FTCDNL1: variants seen among roughly 807,000 people sequenced by gnomAD.
The protein encoded by FTCDNL1 is formiminotransferase N-terminal subdomain-containing protein.
FTCDNL1 carries 11 observed loss-of-function variants against 5.9 expected under a neutral mutation model. The observed-to-expected ratio is 1.87, with a 90% CI of 1.18 to 3.10. FTCDNL1 has a LOEUF of 3.10. FTCDNL1 is among the 30% of genes most tolerant of loss of function. The pLI is 0.00. For missense variants in FTCDNL1, 115 were observed against 65.5 expected (o/e 1.76, Z -2.61); for synonymous variants, 58 against 24.8 (o/e 2.34, Z -3.99).
the FTCDNL1 span, among the ~76,000 whole-genome samples, chr2:199,730,180 T>C: frequency 3.3e-5 from 5 of 152,098 alleles, no homozygotes; most frequent in African/African-American, 4.8e-5. Context: ...CCCTTCCTTA[T>C]ACCTTATACA....
At chr2:199,758,616 C>T (rs1698151128), downstream of FTCDNL1, among the ~76,000 whole-genome samples, 1 of 152,172 alleles carries the variant, frequency 6.6e-6, no homozygotes, top group South Asian at 2.1e-4. Flanking sequence ...CCACTGGCTC[C>T]CATGCAAAAC....
the FTCDNL1 span, among the ~76,000 whole-genome samples, chr2:199,753,590 C>A: frequency 6.6e-6 from 1 of 152,218 alleles, no homozygotes; most frequent in Admixed American, 6.5e-5. Context: ...ATGGAACAAG[C>A]GTGGTCACTG....
chr2:199,719,282 C>A, the FTCDNL1 span, among the ~76,000 whole-genome samples: 1 of 152,100 alleles, frequency 6.6e-6, no homozygotes, highest in African/African-American at 2.4e-5. Context: ...CCCAGCACCA[C>A]TTATTGAATA....
the FTCDNL1 span, among the ~76,000 whole-genome samples, chr2:199,752,172 T>C: frequency 3.3e-5 from 5 of 152,170 alleles, no homozygotes; most frequent in Non-Finnish European, 7.3e-5. Flanking sequence ...TCTTCAAGGA[T>C]GCCTCGACTT....
At chr2:199,782,833 T>A (rs1699436742) in intron 3 of FTCDNL1, among the ~76,000 whole-genome samples, 1 of 152,216 alleles carries the variant, frequency 6.6e-6, no homozygotes, top group South Asian at 2.1e-4. Flanking sequence ...TTTTGCAGGG[T>A]CCTTCATCCT....
At chr2:199,685,285 T>G in the FTCDNL1 span, among the ~76,000 whole-genome samples, 11 of 152,262 alleles carry the variant, frequency 7.2e-5, no homozygotes, top group East Asian at 2.1e-3. Context: ...ACCCTTCTTG[T>G]GCCTTTGGCA....
At chr2:199,840,512 T>A (rs2076554057) in intron 3 of FTCDNL1, among the ~76,000 whole-genome samples, 1 of 151,750 alleles carries the variant, frequency 6.6e-6, no homozygotes, top group Non-Finnish European at 1.5e-5. Context: ...AGAGGTGGGG[T>A]AAGGGGAAGC....
intron 3 of FTCDNL1, among the ~76,000 whole-genome samples, chr2:199,782,552 G>C (rs1004037695): frequency 6.6e-6 from 1 of 152,176 alleles, no homozygotes; most frequent in Non-Finnish European, 1.5e-5. Flanking sequence ...CAATGTGGGA[G>C]TTCTACTAAC....
At chr2:199,760,679 A>G (rs796563343) in exon 4 of FTCDNL1, 2 of 626,594 alleles carry the variant, frequency 3.2e-6, no homozygotes, top group Non-Finnish European at 5.9e-6. Flanking sequence ...GTATGGTATA[A>G]TTTTCCATCT....
At chr2:199,681,026 C>T in the FTCDNL1 span, among the ~76,000 whole-genome samples, 1 of 152,186 alleles carries the variant, frequency 6.6e-6, no homozygotes, top group African/African-American at 2.4e-5. Context: ...AATGCTCTCA[C>T]TTGCTGGCTT....
intron 3 of FTCDNL1, among the ~76,000 whole-genome samples, chr2:199,823,782 T>A (rs1301792749): frequency 2.0e-5 from 3 of 152,184 alleles, no homozygotes; most frequent in African/African-American, 7.2e-5. Context: ...GGCCCTTGGA[T>A]TTTCAGAATG....
intron 4 of FTCDNL1, chr2:199,818,674 AC>A (rs1223607432): frequency 2.0e-5 from 3 of 152,096 alleles, no homozygotes; most frequent in African/African-American, 2.4e-5. Flanking sequence ...GCCAGGGGCT[AC>A]TAACCAAAGA....
chr2:199,830,905 G>C (rs1396156820), intron 3 of FTCDNL1, among the ~76,000 whole-genome samples: 2 of 152,166 alleles, frequency 1.3e-5, no homozygotes, highest in Non-Finnish European at 2.9e-5. Context: ...AGAAACATCA[G>C]GCTGAAAAAT....
At chr2:199,694,481 T>C in the FTCDNL1 span, among the ~76,000 whole-genome samples, 1 of 152,152 alleles carries the variant, frequency 6.6e-6, no homozygotes, top group Non-Finnish European at 1.5e-5. Flanking sequence ...TCTTAGGTAG[T>C]ACATTAATCA....
chr2:199,803,321 T>C (rs1200213072), intron 3 of FTCDNL1, among the ~76,000 whole-genome samples: 1 of 151,188 alleles, frequency 6.6e-6, no homozygotes, highest in Non-Finnish European at 1.5e-5. Flanking sequence ...AAAACTGCCA[T>C]AGAGGGGTGA....
At chr2:199,819,496 G>A in intron 4 of FTCDNL1, 76 bp downstream of exon 4, 1 of 678,030 alleles carries the variant, frequency 1.5e-6, no homozygotes, top group South Asian at 1.6e-5. Context: ...TGCATTAACA[G>A]GGTGTGGCTC....
chr2:199,786,666 T>C (rs1295306545), intron 3 of FTCDNL1, among the ~76,000 whole-genome samples: 2 of 152,214 alleles, frequency 1.3e-5, no homozygotes, highest in Non-Finnish European at 2.9e-5. Context: ...TTACAGTACA[T>C]ATTTTTTCAT....
intron 3 of FTCDNL1, among the ~76,000 whole-genome samples, chr2:199,771,707 C>T (rs1469186597): frequency 6.6e-6 from 1 of 152,168 alleles, no homozygotes; most frequent in Non-Finnish European, 1.5e-5. Context: ...AGATCATTTC[C>T]ATACCACCCA....
chr2:199,687,011 C>T, the FTCDNL1 span, among the ~76,000 whole-genome samples: 2 of 152,150 alleles, frequency 1.3e-5, no homozygotes, highest in Admixed American at 1.3e-4. Flanking sequence ...ATAATTGGTT[C>T]ACTTTGGGTT....
Sources: allele counts gnomAD v4.1 joint callset (sites outside exome capture counted in the v4.1 genomes callset), GRCh38; gene constraint gnomAD v4.1.1; transcripts MANE v1.5; gene names NCBI Gene and HGNC (gene_info 2026-07-23, HGNC 2026-07-21).